The following RAP1GDS1 variants were observed in gnomAD, a reference collection of about 807,000 sequenced individuals.
RAP1GDS1 encodes the protein RAP1, GTP-GDP dissociation stimulator 1.
RAP1GDS1 carries 35 observed loss-of-function variants against 71.1 expected under a neutral mutation model. The observed-to-expected ratio is 0.49, with a 90% CI of 0.38 to 0.65. The LOEUF (loss-of-function observed/expected upper bound fraction) is 0.65. RAP1GDS1 is among the 30% of genes least tolerant of loss of function. The pLI is 0.00. For synonymous variants in RAP1GDS1, 229 were observed against 243.1 expected (o/e 0.94, Z 0.54); for missense variants, 663 against 706.1 (o/e 0.94, Z 0.69).
At chr4:98,267,491 C>G (rs1335049414) in intron 1 of RAP1GDS1, among the ~76,000 whole-genome samples, 4 of 152,124 alleles carry the variant, frequency 2.6e-5, no homozygotes, top group African/African-American at 9.7e-5. Context: ...CCTTGCCTCC[C>G]TCCATTTGTC....
intron 7 of RAP1GDS1, among the ~76,000 whole-genome samples, chr4:98,407,236 T>G (rs1746250289): frequency 6.6e-6 from 1 of 152,178 alleles, no homozygotes; most frequent in African/African-American, 2.4e-5. Flanking sequence ...TATTTGAATC[T>G]TCTCTCTTTT....
At chr4:98,319,420 A>T (rs917827275) in intron 2 of RAP1GDS1, among the ~76,000 whole-genome samples, 1 of 152,134 alleles carries the variant, frequency 6.6e-6, no homozygotes, top group South Asian at 2.1e-4. Context: ...TGTAATATGT[A>T]TTGGTTTACT....
chr4:98,261,691 T>A, intron 1 of RAP1GDS1, 122 bp downstream of exon 1: 1 of 1,274,896 alleles, frequency 7.8e-7, no homozygotes, highest in Non-Finnish European at 1.1e-6. Flanking sequence ...TGTGAGACGG[T>A]GGCTGTTCCT....
intron 11 of RAP1GDS1, among the ~76,000 whole-genome samples, 162 bp downstream of exon 11, chr4:98,420,306 A>G (rs1415566162): frequency 2.0e-5 from 3 of 151,332 alleles, no homozygotes; most frequent in Non-Finnish European, 4.4e-5. Flanking sequence ...GTTAATTTTT[A>G]TGCTTGTTAT....
chr4:98,365,140 G>A (rs1204530653), intron 4 of RAP1GDS1, among the ~76,000 whole-genome samples: 1 of 152,106 alleles, frequency 6.6e-6, no homozygotes, highest in Admixed American at 6.6e-5. Flanking sequence ...AACTCATTGG[G>A]AATAAAGGAT....
Position 98,371,115 on chromosome 4 carries a change from CTTTTT to C in RAP1GDS1, c.362-7889_362-7885del, listed in dbSNP as rs1032888957. Among the ~76,000 whole-genome samples the C allele has an allele frequency of 9.4e-4, 127 of 135,796 alleles. 1 individual carries two copies. The highest frequency in any genetic ancestry group is 1.6e-3 in the Non-Finnish European group (102 of 62,142). The allele number at this position is 135,796 out of a possible 152,430, so 89.1% of individuals were successfully genotyped here. On this transcript the variant is annotated intron_variant, in intron 4 of 14. Coordinates refer to ENST00000408927, the MANE Select transcript of RAP1GDS1 (RefSeq NM_001100427.2). Reference sequence around the variant, plus strand: ...TATACATCATTTAGGATTGTTATATCTTTTTTTTTTTTTTTTTGAGACGAAGTCTC... The same window carrying C: ...TATACATCATTTAGGATTGTTATATCTTTTTTTTTTTTGAGACGAAGTCTC...
chr4:98,434,703 G>A (rs955334174), intron 13 of RAP1GDS1, among the ~76,000 whole-genome samples: 3 of 149,178 alleles, frequency 2.0e-5, no homozygotes, highest in African/African-American at 5.0e-5. Flanking sequence ...TCACTGCAAC[G>A]TCCGCGTCCT....
In RAP1GDS1 at chr4:98,442,209, T is replaced by G. The variant is rs1578908961; in HGVS notation, c.*92T>G. On this transcript the variant is annotated 3_prime_UTR_variant, in exon 15 of 15. Transcript: ENST00000408927. ...TCCGCTTCATTCTCTACCATACCACTTGTGCATGCATGTGATGTTCTAATA... is the reference window on the plus strand; with the variant it reads ...TCCGCTTCATTCTCTACCATACCACGTGTGCATGCATGTGATGTTCTAATA... 1 of 1,504,452 alleles carries G rather than the reference T, an allele frequency of 6.6e-7. No individual in the cohort carries two copies. The highest frequency in any genetic ancestry group is 2.3e-5 in the East Asian group (1 of 43,924). The allele number at this position is 1,504,452 out of a possible 1,614,324, so 93.2% of individuals were successfully genotyped here. A position where few individuals can be genotyped will look rare whatever the true frequency, so the allele number is the denominator to read the frequency against.
intron 1 of RAP1GDS1, among the ~76,000 whole-genome samples, chr4:98,283,138 A>G (rs1725426868): frequency 6.6e-6 from 1 of 152,222 alleles, no homozygotes; most frequent in African/African-American, 2.4e-5. Flanking sequence ...AAGATTCTTC[A>G]AGTAACTTCA....
intron 2 of RAP1GDS1, among the ~76,000 whole-genome samples, chr4:98,297,628 T>C (rs1386022069): frequency 2.0e-5 from 3 of 152,178 alleles, no homozygotes; most frequent in African/African-American, 4.8e-5. Flanking sequence ...TTGATAAATA[T>C]TGTGTCTGTC....
intron 1 of RAP1GDS1, among the ~76,000 whole-genome samples, chr4:98,288,155 A>G (rs942453598): frequency 2.0e-5 from 3 of 152,064 alleles, no homozygotes; most frequent in African/African-American, 7.2e-5. Flanking sequence ...AACAATAGGT[A>G]TATCTCCTAA....
chr4:98,315,021 T>A (rs1268239697), intron 2 of RAP1GDS1, among the ~76,000 whole-genome samples: 1 of 152,202 alleles, frequency 6.6e-6, no homozygotes, highest in Non-Finnish European at 1.5e-5. Context: ...TTTAGAAATG[T>A]AGTGTCTGTA....
intron 5 of RAP1GDS1, among the ~76,000 whole-genome samples, chr4:98,390,061 G>GA (rs1743372885): frequency 6.6e-6 from 1 of 152,212 alleles, no homozygotes; most frequent in East Asian, 1.9e-4. Context: ...ACAAAGTAGT[G>GA]AAAATGAATA....
intron 5 of RAP1GDS1, among the ~76,000 whole-genome samples, chr4:98,380,361 T>C (rs1219576866): frequency 6.6e-6 from 1 of 151,860 alleles, no homozygotes; most frequent in Non-Finnish European, 1.5e-5. Context: ...GATTACATAT[T>C]TTTAATACTA....
chr4:98,436,903 GT>G, intron 13 of RAP1GDS1, 36 bp from the exon 14 acceptor site: 1 of 1,545,112 alleles, frequency 6.5e-7, no homozygotes, highest in South Asian at 1.3e-5. Context: ...AGGATACTGG[GT>G]TCGTACGCAG....
At chr4:98,388,012 T>C (rs948115695) in intron 5 of RAP1GDS1, among the ~76,000 whole-genome samples, 12 of 152,232 alleles carry the variant, frequency 7.9e-5, no homozygotes, top group African/African-American at 2.7e-4. Flanking sequence ...GGATGTCAGC[T>C]ATTATCCTTT....
chr4:98,379,337 A>C, intron 5 of RAP1GDS1, 174 bp downstream of exon 5: 1 of 740,580 alleles, frequency 1.4e-6, no homozygotes, highest in Non-Finnish European at 2.0e-6. Flanking sequence ...AAAATGGTTA[A>C]TTTACTAAAT....
intron 7 of RAP1GDS1, among the ~76,000 whole-genome samples, chr4:98,410,293 A>G (rs761042288): frequency 6.6e-6 from 1 of 152,172 alleles, no homozygotes; most frequent in Non-Finnish European, 1.5e-5. Flanking sequence ...TTGACAAAAG[A>G]TTTATATTAA....
At chr4:98,284,669 A>G (rs529606482) in intron 1 of RAP1GDS1, among the ~76,000 whole-genome samples, 1 of 152,314 alleles carries the variant, frequency 6.6e-6, no homozygotes, top group Non-Finnish European at 1.5e-5. Flanking sequence ...AATGCAGCAG[A>G]AGGGATGCCA....
Sources: allele counts gnomAD v4.1 joint callset (sites outside exome capture counted in the v4.1 genomes callset), GRCh38; gene constraint gnomAD v4.1.1; transcripts MANE v1.5; gene names NCBI Gene and HGNC (gene_info 2026-07-23, HGNC 2026-07-21).